The following URB1 variants were observed in gnomAD, a reference collection of about 807,000 sequenced individuals.
The protein encoded by URB1 is URB1 ribosome biogenesis factor, also known as nucleolar pre-ribosomal-associated protein 1.
Under a neutral mutation model 242.3 loss-of-function variants are expected in URB1, and 197 were observed. The ratio of observed to expected loss-of-function variants is 0.81; its 90% CI spans 0.72 to 0.91. The LOEUF is 0.91. Among genes scored for constraint, URB1 ranks in the 40% least tolerant of loss-of-function variants. URB1 has a pLI of 0.00. For missense variants in URB1, 2,721 were observed against 2,860.5 expected, an observed-to-expected ratio of 0.95 and a Z score of 1.11; for synonymous variants, 1,153 against 1,201.8, an observed-to-expected ratio of 0.96 and a Z score of 0.84.
chr21:32,362,639 C>T (rs1163794971), intron 11 of URB1, among the ~76,000 whole-genome samples: 1 of 152,226 alleles, frequency 6.6e-6, no homozygotes, highest in Non-Finnish European at 1.5e-5. Flanking sequence ...GAAAGACTTT[C>T]TCAGGAGCAG....
intron 30 of URB1, among the ~76,000 whole-genome samples, chr21:32,330,223 G>A (rs575024020): frequency 2.8e-5 from 3 of 108,774 alleles, no homozygotes; most frequent in Non-Finnish European, 5.5e-5. Flanking sequence ...TTTTTTTTGG[G>A]TATATCCATT....
intron 35 of URB1, among the ~76,000 whole-genome samples, chr21:32,320,131 G>A (rs561561309): frequency 4.6e-5 from 7 of 152,324 alleles, no homozygotes; most frequent in African/African-American, 1.7e-4. Context: ...CCGTCAGACC[G>A]GCCTTCCTGC....
intron 20 of URB1, 50 bp from the exon 21 acceptor site, chr21:32,349,533 C>T (rs1189773017): frequency 2.0e-6 from 3 of 1,481,374 alleles, no homozygotes; most frequent in Non-Finnish European, 1.8e-6. Flanking sequence ...GGGTTCACAG[C>T]TACCAGGCAG....
In URB1 at chr21:32,314,437, G is replaced by A; in HGVS notation, c.*481C>T. Reference sequence around the variant, plus strand: ...TGACCTCAGGTGATTCACCCGCCTTGGCCTCCCAAAGTGCTGGGATTATAG... The same window carrying A: ...TGACCTCAGGTGATTCACCCGCCTTAGCCTCCCAAAGTGCTGGGATTATAG... On this transcript the variant is annotated 3_prime_UTR_variant, in exon 39 of 39. Coordinates refer to ENST00000382751, the MANE Select transcript of URB1 (RefSeq NM_014825.3). 1.1e-6 allele frequency: 1 copy of A among 896,220 alleles called. No individual in the cohort carries two copies. Among genetic ancestry groups the A allele is most frequent in the Non-Finnish European group, 1.8e-6 (1 of 544,886 alleles). The allele number at this position is 896,220 out of a possible 1,614,324, so 55.5% of individuals were successfully genotyped here. A position where few individuals can be genotyped will look rare whatever the true frequency, so the allele number is the denominator to read the frequency against.
At chr21:32,325,868 G>A (rs975534951) in intron 30 of URB1, among the ~76,000 whole-genome samples, 2 of 152,118 alleles carry the variant, frequency 1.3e-5, no homozygotes, top group African/African-American at 4.8e-5. Flanking sequence ...ATGCCAACCA[G>A]CCCGACAAAG....
chr21:32,375,397 C>A lies in URB1; in HGVS notation c.750+1G>T. On this transcript the variant is annotated splice_donor_variant, in intron 6 of 38. Transcript: ENST00000382751. LOFTEE classifies it high-confidence loss of function. The stretch of plus-strand genomic sequence containing the variant: ...AGAAACGCGGATCACCAAGCACATA[C>A]CTTTGTTTTCAGTGTGGATAATAAA... 1 of 1,516,318 alleles carries A rather than the reference C, an allele frequency of 6.6e-7. No individual in the cohort carries two copies. The allele number at this position is 1,516,318 out of a possible 1,614,324, so 93.9% of individuals were successfully genotyped here.
chr21:32,315,815 A>G (rs75854699), intron 38 of URB1, among the ~76,000 whole-genome samples: 3,658 of 152,276 alleles, frequency 0.024, 108 homozygotes, highest in East Asian at 0.088. Context: ...ACCAGAGGGC[A>G]AGGTCACCCT....
chr21:32,344,214 A>T (rs1043982515), intron 24 of URB1, among the ~76,000 whole-genome samples: 1 of 152,232 alleles, frequency 6.6e-6, no homozygotes. Flanking sequence ...AACACATCAA[A>T]ATCAAGCAGG....
At chr21:32,332,333 C>T (rs2032902599) in intron 30 of URB1, among the ~76,000 whole-genome samples, 1 of 151,724 alleles carries the variant, frequency 6.6e-6, no homozygotes, top group East Asian at 1.9e-4. Flanking sequence ...AAATTAAAAG[C>T]TTTTGCTCTG....
chr21:32,393,005 T>A lies in URB1; in HGVS notation c.-95A>T, dbSNP rs1248295621. 9 of 1,377,674 alleles carry A rather than the reference T, an allele frequency of 6.5e-6. No individual in the cohort carries two copies. In the Admixed American group the frequency reaches 9.1e-5, roughly 14 times the overall value. The allele number at this position is 1,377,674 out of a possible 1,614,324, so 85.3% of individuals were successfully genotyped here. A position where few individuals can be genotyped will look rare whatever the true frequency, so the allele number is the denominator to read the frequency against. On this transcript the variant is annotated 5_prime_UTR_variant, in exon 1 of 39. The change abolishes an upstream ATG in the 5' untranslated region. Transcript: ENST00000382751. The stretch of plus-strand genomic sequence containing the variant: ...AGCAGACACGCGCTTCAGGCCCACA[T>A]GGCGCAGGAAGAGGCGGGGCTGGCG...
chr21:32,333,649 A>C (rs1274197896), intron 29 of URB1, among the ~76,000 whole-genome samples: 1 of 152,262 alleles, frequency 6.6e-6, no homozygotes, highest in Non-Finnish European at 1.5e-5. Context: ...CAGGAATTTA[A>C]GATAATTTTG....
intron 7 of URB1, among the ~76,000 whole-genome samples, chr21:32,372,834 G>A (rs2033421122): frequency 6.6e-6 from 1 of 152,208 alleles, no homozygotes; most frequent in South Asian, 2.1e-4. Context: ...AGAGGGGCAA[G>A]TTTAAACCTG....
intron 2 of URB1, 35 bp downstream of exon 2, chr21:32,385,510 C>CT: frequency 6.5e-7 from 1 of 1,536,464 alleles, no homozygotes; most frequent in Non-Finnish European, 8.8e-7. Flanking sequence ...ATTAACTTTT[C>CT]TTCTCTTCAT....
At chr21:32,391,110 C>T (rs916214180) in intron 1 of URB1, among the ~76,000 whole-genome samples, 15 of 151,682 alleles carry the variant, frequency 9.9e-5, no homozygotes, top group Non-Finnish European at 1.9e-4. Context: ...AGCAAACTAT[C>T]GCAAGGACAA....
rs536471827 is a variant in URB1, at chr21:32,311,061, T to A, written c.*3857A>T. 7.2e-5 allele frequency: 11 copies of A among 152,574 alleles called. 1 individual carries two copies. Among genetic ancestry groups the A allele is most frequent in the African/African-American group, 2.4e-4 (10 of 41,562 alleles). The allele number at this position is 152,574 out of a possible 1,614,324, so 9.5% of individuals were successfully genotyped here. On this transcript the variant is annotated 3_prime_UTR_variant, in exon 39 of 39. Transcript: ENST00000382751. The stretch of plus-strand genomic sequence containing the variant: ...GGTTTAATGGACTCACAGTTTCACA[T>A]GGCGGGGGAGGCTTCACAGTCATGG...
In URB1 at chr21:32,379,512, G is replaced by A. The variant is rs61017096; in HGVS notation, c.568-971C>T. Among the ~76,000 whole-genome samples, 1,293 of 152,336 alleles carry A rather than the reference G, an allele frequency of 8.5e-3. 25 individuals are homozygous for A. Among genetic ancestry groups the A allele is most frequent in the African/African-American group, 0.028 (1,176 of 41,568 alleles). ...AGTTCTGTTCCACTTAGTAGTAGCA[G>A]GAGAGGTGGTGGCAGTAGTAGTGAT... On this transcript the variant is annotated intron_variant, in intron 4 of 38. Transcript: ENST00000382751.
intron 30 of URB1, among the ~76,000 whole-genome samples, chr21:32,332,926 A>G (rs2032913196): frequency 6.6e-6 from 1 of 152,202 alleles, no homozygotes; most frequent in South Asian, 2.1e-4. Context: ...ATAATTTCCA[A>G]AATGTACTTA....
intron 30 of URB1, among the ~76,000 whole-genome samples, chr21:32,327,215 G>C (rs1170047496): frequency 6.6e-6 from 1 of 151,966 alleles, no homozygotes; most frequent in Non-Finnish European, 1.5e-5. Flanking sequence ...TTTGACACCA[G>C]TGATTTAAAA....
intron 26 of URB1, among the ~76,000 whole-genome samples, chr21:32,337,823 C>A (rs748581556): frequency 6.6e-6 from 1 of 151,886 alleles, no homozygotes; most frequent in Non-Finnish European, 1.5e-5. Context: ...GCGCCCAGCC[C>A]CCCACGTGTT....
Sources: allele counts gnomAD v4.1 joint callset (sites outside exome capture counted in the v4.1 genomes callset), GRCh38; gene constraint gnomAD v4.1.1; transcripts MANE v1.5; gene names NCBI Gene and HGNC (gene_info 2026-07-23, HGNC 2026-07-21).